The following RNF217 variants were observed in gnomAD, a reference collection of about 807,000 sequenced individuals.
The protein encoded by RNF217 is ring finger protein 217.
A neutral mutation model predicts 57.8 loss-of-function variants in RNF217; 31 were observed. The ratio of observed to expected loss-of-function variants is 0.54; its 90% CI spans 0.40 to 0.72. The LOEUF (loss-of-function observed/expected upper bound fraction) is 0.72. Ranked by LOEUF, RNF217 falls within the 30% of genes least tolerant of loss-of-function variation. The pLI is 0.00. For synonymous variants in RNF217, 313 were observed against 294.0 expected, an observed-to-expected ratio of 1.06 and a Z score of -0.66; for missense variants, 696 against 708.3, an observed-to-expected ratio of 0.98 and a Z score of 0.20.
At chr6:125,069,172 T>C (rs1219158673) in intron 3 of RNF217, among the ~76,000 whole-genome samples, 2 of 152,154 alleles carry the variant, frequency 1.3e-5, no homozygotes, top group Non-Finnish European at 2.9e-5. Context: ...AAATTTTCTG[T>C]AACAAAAAAA....
In RNF217 at chr6:124,962,947, C is replaced by G. The variant is rs764354039; in HGVS notation, c.403C>G (p.Pro135Ala). 3.8e-6 allele frequency: 6 copies of G among 1,597,558 alleles called. No individual in the cohort carries two copies. The highest frequency in any genetic ancestry group is 5.1e-6 in the Non-Finnish European group (6 of 1,179,538). ...QEAPPGEELE[P>A]RTRVGAADGL... ...GGCGCCCCCCGGCGAAGAGCTGGAG[C>G]CCAGGACCCGCGTGGGGGCCGCCGA... The change falls in exon 1 of 6, where the codon CCC (proline) becomes GCC (alanine). Residue 135 changes from proline (P) to alanine (A), a missense_variant. Transcript: ENST00000521654. This position sits in a 1 kb window ranked among gnomAD's most constrained non-coding sequence, Gnocchi z 4.6.
chr6:125,002,973 T>C (rs2114296387), intron 1 of RNF217, among the ~76,000 whole-genome samples: 1 of 152,300 alleles, frequency 6.6e-6, no homozygotes, highest in South Asian at 2.1e-4. Flanking sequence ...AATCTTGTTA[T>C]TATCCTAATA....
intron 2 of RNF217, among the ~76,000 whole-genome samples, chr6:125,055,926 T>A (rs1295150295): frequency 1.3e-5 from 2 of 152,148 alleles, no homozygotes; most frequent in Non-Finnish European, 2.9e-5. Flanking sequence ...TTAATTGTAA[T>A]GATCAAAAAG....
At chr6:125,053,484 G>A (rs181294284) in intron 2 of RNF217, among the ~76,000 whole-genome samples, 176 of 152,102 alleles carry the variant, frequency 1.2e-3, no homozygotes, top group Non-Finnish European at 2.6e-4. Context: ...CTTTACACAT[G>A]GATGTTGTCT....
intron 3 of RNF217, among the ~76,000 whole-genome samples, chr6:125,076,164 A>G (rs1582781005): frequency 6.6e-6 from 1 of 152,220 alleles, no homozygotes; most frequent in East Asian, 1.9e-4. Flanking sequence ...AAATACATTT[A>G]TATCTGCTAT....
At chr6:125,049,883 T>C (rs533065739) in intron 2 of RNF217, among the ~76,000 whole-genome samples, 253 of 151,864 alleles carry the variant, frequency 1.7e-3, no homozygotes, top group African/African-American at 6.0e-3. Flanking sequence ...GAAAATTAGT[T>C]CAGTTTGAAA....
intron 5 of RNF217, chr6:125,082,461 A>G: frequency 6.2e-7 from 1 of 1,610,828 alleles, no homozygotes; most frequent in Non-Finnish European, 8.5e-7. Flanking sequence ...GAGGAAATTA[A>G]GACTTACTGG....
At chr6:125,008,990 G>A (rs762824640) in intron 1 of RNF217, 3 of 285,814 alleles carry the variant, frequency 1.0e-5, no homozygotes, top group Non-Finnish European at 1.3e-5. Flanking sequence ...CTGGTTTAAT[G>A]GTTGAAAATG....
chr6:125,041,650 C>T (rs1562482075), intron 1 of RNF217, among the ~76,000 whole-genome samples: 1 of 152,076 alleles, frequency 6.6e-6, no homozygotes, highest in Non-Finnish European at 1.5e-5. Flanking sequence ...CTCTGCATAA[C>T]AGGCCTTTCA....
At chr6:124,998,412 A>T (rs13205778) in intron 1 of RNF217, among the ~76,000 whole-genome samples, 25,883 of 152,212 alleles carry the variant, frequency 0.17, 2,371 homozygotes, top group African/African-American at 0.21. Context: ...CTGTCTGCTT[A>T]TCTCCATCTT....
intron 3 of RNF217, among the ~76,000 whole-genome samples, chr6:125,068,102 G>A (rs1788005515): frequency 6.6e-6 from 1 of 152,142 alleles, no homozygotes; most frequent in South Asian, 2.1e-4. Flanking sequence ...AGAACATGCT[G>A]TGTGTTGGTA....
intron 1 of RNF217, among the ~76,000 whole-genome samples, chr6:125,013,319 A>G (rs958059063): frequency 6.6e-6 from 1 of 150,622 alleles, no homozygotes; most frequent in African/African-American, 2.4e-5. Flanking sequence ...GAATAGGCCA[A>G]AAAGAAAGGT....
intron 1 of RNF217, among the ~76,000 whole-genome samples, chr6:125,006,333 A>G (rs1005694344): frequency 3.9e-5 from 6 of 152,220 alleles, no homozygotes; most frequent in African/African-American, 1.4e-4. Context: ...CAGGTGATTA[A>G]TAATACTCAA....
intron 1 of RNF217, among the ~76,000 whole-genome samples, chr6:125,026,675 G>A (rs1348440572): frequency 6.6e-6 from 1 of 152,138 alleles, no homozygotes; most frequent in Non-Finnish European, 1.5e-5. Context: ...ACAGTTAGGT[G>A]CTATACAAGT....
intron 1 of RNF217, among the ~76,000 whole-genome samples, chr6:124,976,811 G>A (rs547713292): frequency 6.6e-6 from 1 of 152,178 alleles, no homozygotes; most frequent in Non-Finnish European, 1.5e-5. Context: ...GGCCTCAGGT[G>A]TAGCTTAAAT....
At chr6:125,013,583 G>C (rs1234457858) in intron 1 of RNF217, among the ~76,000 whole-genome samples, 2 of 151,726 alleles carry the variant, frequency 1.3e-5, no homozygotes, top group African/African-American at 4.8e-5. Context: ...AGCTTTGGCT[G>C]TTTTCTTTTA....
chr6:125,056,330 T>G (rs2114580392), intron 2 of RNF217, among the ~76,000 whole-genome samples: 1 of 152,298 alleles, frequency 6.6e-6, no homozygotes, highest in Admixed American at 6.5e-5. Flanking sequence ...ATATCTACCT[T>G]CCAGCATTAT....
chr6:125,018,719 A>T (rs1785704592), intron 1 of RNF217, among the ~76,000 whole-genome samples: 1 of 152,200 alleles, frequency 6.6e-6, no homozygotes, highest in East Asian at 1.9e-4. Context: ...AGATGGTAGT[A>T]GGACTAGTTG....
chr6:125,019,752 T>C (rs1785752421), intron 1 of RNF217, among the ~76,000 whole-genome samples: 1 of 150,174 alleles, frequency 6.7e-6, no homozygotes, highest in Admixed American at 6.7e-5. Context: ...CTAGGCCTGC[T>C]ACATTTCTCC....
Sources: allele counts gnomAD v4.1 joint callset (sites outside exome capture counted in the v4.1 genomes callset), GRCh38; gene constraint gnomAD v4.1.1; non-coding constraint Gnocchi (gnomAD v3.1); transcripts MANE v1.5; gene names NCBI Gene and HGNC (gene_info 2026-07-23, HGNC 2026-07-21).